CRHR1: variants seen among roughly 807,000 people sequenced by gnomAD.
The protein encoded by CRHR1 is corticotropin releasing hormone receptor 1.
Under a neutral mutation model 56.0 loss-of-function variants are expected in CRHR1, and 28 were observed. The ratio of observed to expected loss-of-function variants is 0.50; its 90% confidence interval spans 0.37 to 0.69. CRHR1 has a LOEUF of 0.69. Among genes scored for constraint, CRHR1 ranks in the 30% least tolerant of loss-of-function variants. The pLI is 0.00. For synonymous variants in CRHR1, 195 were observed against 216.5 expected (o/e 0.90, Z 0.87); for missense variants, 376 against 548.0 (o/e 0.69, Z 3.13).
chr17:45,833,693 T>TCCCCCCCCCCCCCCCCCC, intron 10 of CRHR1, 21 bp from the exon 11 acceptor site: 1 of 1,571,614 alleles, frequency 6.4e-7, no homozygotes, highest in Non-Finnish European at 8.7e-7. Context: ...ACTCCGAGCC[T>TCCCCCCCCCCCCCCCCCC]CCCCACCCGC....
At position 45,784,874 on chromosome 17, in the gene CRHR1, G is replaced by C. The variant is rs550550908; in HGVS notation, c.33+297G>C. 6.6e-6 allele frequency among the ~76,000 whole-genome samples: 1 copy of C among 152,156 alleles called. No homozygotes were observed. The highest frequency in any genetic ancestry group is 1.5e-5 in the Non-Finnish European group (1 of 68,018). The stretch of plus-strand genomic sequence containing the variant: ...GCGCCAAGAATCGCTCTAGGCTCTC[G>C]GGCAGACGCCTAGGGGAGGGGAGGT... On this transcript the variant is annotated intron_variant, in intron 1 of 12. Transcript: ENST00000314537. This position sits in a 1 kb window ranked among gnomAD's most constrained non-coding sequence, Gnocchi z 4.2.
At chr17:45,828,359 G>C (rs1013625612) in intron 4 of CRHR1, among the ~76,000 whole-genome samples, 1 of 152,234 alleles carries the variant, frequency 6.6e-6, no homozygotes, top group Non-Finnish European at 1.5e-5. Flanking sequence ...CCTCTGTGCT[G>C]TTTTCCTACA....
chr17:45,788,559 G>A (rs1598391950), intron 1 of CRHR1, among the ~76,000 whole-genome samples: 3 of 152,248 alleles, frequency 2.0e-5, no homozygotes, highest in Admixed American at 2.0e-4. Context: ...TATAAAATGG[G>A]GGAAATGCCT....
chr17:45,810,762 T>A (rs1265239544), intron 2 of CRHR1, among the ~76,000 whole-genome samples: 1 of 152,250 alleles, frequency 6.6e-6, no homozygotes, highest in African/African-American at 2.4e-5. Flanking sequence ...CTTGTCCTGA[T>A]GGATCACACA....
intron 7 of CRHR1, 96 bp downstream of exon 7, chr17:45,830,666 A>G: frequency 3.4e-6 from 5 of 1,474,412 alleles, no homozygotes; most frequent in Non-Finnish European, 4.6e-6. Flanking sequence ...GGCCTGAGGG[A>G]TGGAGGTCGG....
chr17:45,831,614 A>T (rs558049459), intron 8 of CRHR1, among the ~76,000 whole-genome samples: 7 of 152,208 alleles, frequency 4.6e-5, no homozygotes, highest in Non-Finnish European at 7.3e-5. Flanking sequence ...ACCCTCAGAG[A>T]ATCAGGCGCA....
At position 45,798,679 on chromosome 17, in the gene CRHR1, G is replaced by A. The variant is rs2061565603; in HGVS notation, c.34-8331G>A. Among the ~76,000 whole-genome samples the A allele has an allele frequency of 4.2e-5, 6 of 144,058 alleles. No individual in the cohort carries two copies. In the Admixed American group the frequency reaches 4.2e-4, roughly 10 times the overall value. The allele number at this position is 144,058 out of a possible 152,430, so 94.5% of individuals were successfully genotyped here. A position where few individuals can be genotyped will look rare whatever the true frequency, so the allele number is the denominator to read the frequency against. The stretch of plus-strand genomic sequence containing the variant: ...TGCTGCCCTGGGGTGGGAGAGGCAG[G>A]TGACCCACTATTTCTAGCCCTGCTG... On this transcript the variant is annotated intron_variant, in intron 1 of 12. Coordinates refer to ENST00000314537, the MANE Select transcript of CRHR1 (RefSeq NM_004382.5).
chr17:45,796,891 G>T (rs907812143), intron 1 of CRHR1, among the ~76,000 whole-genome samples: 1 of 152,308 alleles, frequency 6.6e-6, no homozygotes, highest in Admixed American at 6.5e-5. Context: ...GGCCGAGAAG[G>T]CACGGGCTAC....
chr17:45,825,055 C>G (rs2143169809), intron 4 of CRHR1, among the ~76,000 whole-genome samples: 2 of 152,256 alleles, frequency 1.3e-5, no homozygotes, highest in South Asian at 4.1e-4. Flanking sequence ...AGCCCCCAGC[C>G]TCGCCAGACC....
At chr17:45,833,693 T>TGGGGGGGGGGGGCCCC in intron 10 of CRHR1, 21 bp from the exon 11 acceptor site, 5 of 1,571,602 alleles carry the variant, frequency 3.2e-6, no homozygotes, top group Non-Finnish European at 4.3e-6. Context: ...ACTCCGAGCC[T>TGGGGGGGGGGGGCCCC]CCCCACCCGC....
intron 1 of CRHR1, among the ~76,000 whole-genome samples, chr17:45,786,856 G>T (rs1568024815): frequency 6.6e-6 from 1 of 151,924 alleles, no homozygotes; most frequent in African/African-American, 2.4e-5. Context: ...GCCCTGGCTG[G>T]TCTCAAACTC....
At chr17:45,821,264 T>C in intron 3 of CRHR1, 91 bp from the exon 4 acceptor site, 1 of 1,180,876 alleles carries the variant, frequency 8.5e-7, no homozygotes, top group Non-Finnish European at 1.3e-6. Flanking sequence ...ACTGGCCATC[T>C]ACAGATCCAT....
At chr17:45,824,956 C>T (rs2062125968) in intron 4 of CRHR1, among the ~76,000 whole-genome samples, 1 of 152,038 alleles carries the variant, frequency 6.6e-6, no homozygotes, top group South Asian at 2.1e-4. Flanking sequence ...GCTCTGCCAT[C>T]TCTTTCCTCT....
chr17:45,830,561 A>G lies in CRHR1; in HGVS notation c.700A>G (p.Ile234Val). 6.2e-7 allele frequency: 1 copy of G among 1,609,076 alleles called. No individual in the cohort carries two copies. The highest frequency in any genetic ancestry group is 8.5e-7 in the Non-Finnish European group (1 of 1,177,246). Residue 234 changes from isoleucine (I) to valine (V), a missense_variant, in exon 7 of 13, where the codon ATT (isoleucine) becomes GTT (valine). By Grantham distance (29) the Ile-to-Val change is conservative. This residue lies in a region of CRHR1 where 369 missense variants were observed against 519.5 expected (regional missense o/e 0.71). Coordinates refer to ENST00000314537, the MANE Select transcript of CRHR1 (RefSeq NM_004382.5). ...DRLRKWMFICIGWGVPFPIIV... is the reference protein window; with the variant it reads ...DRLRKWMFICVGWGVPFPIIV... Reference sequence around the variant, plus strand: ...GCTGCGCAAATGGATGTTCATCTGCATTGGCTGGGGTGAGCTGGGCAGCCA... The same window carrying G: ...GCTGCGCAAATGGATGTTCATCTGCGTTGGCTGGGGTGAGCTGGGCAGCCA...
At chr17:45,785,653 G>A (rs942914285) in intron 1 of CRHR1, among the ~76,000 whole-genome samples, 1 of 152,232 alleles carries the variant, frequency 6.6e-6, no homozygotes, top group Non-Finnish European at 1.5e-5. Flanking sequence ...TGGGGGAGGG[G>A]TGCGGATTGG....
At chr17:45,817,125 C>G (rs181276806) in intron 3 of CRHR1, among the ~76,000 whole-genome samples, 2 of 152,116 alleles carry the variant, frequency 1.3e-5, no homozygotes, top group African/African-American at 2.4e-5. Context: ...TGGGGCAGGA[C>G]GGGGTTGACC....
intron 1 of CRHR1, among the ~76,000 whole-genome samples, chr17:45,804,763 G>A (rs993953026): frequency 1.3e-5 from 2 of 151,982 alleles, no homozygotes; most frequent in Non-Finnish European, 2.9e-5. Flanking sequence ...AGTGGGGCCC[G>A]ACTGGAGTGA....
rs1469146729 is a variant in CRHR1, at chr17:45,834,785, C to T, written c.*21C>T. 1.5e-5 allele frequency: 25 copies of T among 1,613,184 alleles called. No individual in the cohort carries two copies. Among genetic ancestry groups the T allele is most frequent in the Non-Finnish European group, 2.1e-5 (25 of 1,179,828 alleles). On this transcript the variant is annotated 3_prime_UTR_variant, in exon 13 of 13. Coordinates refer to ENST00000314537, the MANE Select transcript of CRHR1 (RefSeq NM_004382.5). ...TCTGAGCTGGCAGGTCATGGAGCAG[C>T]CCCCAAAGAGCTGTGGCTGGGGGGA...
At chr17:45,793,974 C>T (rs950802607) in intron 1 of CRHR1, among the ~76,000 whole-genome samples, 2 of 152,170 alleles carry the variant, frequency 1.3e-5, no homozygotes, top group Non-Finnish European at 2.9e-5. Context: ...GGAGTCCCAC[C>T]CCAGGACTCC....
Sources: allele counts gnomAD v4.1 joint callset (sites outside exome capture counted in the v4.1 genomes callset), GRCh38; gene constraint gnomAD v4.1.1; regional missense constraint gnomAD v4.1.1; non-coding constraint Gnocchi (gnomAD v3.1); transcripts MANE v1.5; gene names NCBI Gene and HGNC (gene_info 2026-07-23, HGNC 2026-07-21).